The following RAB19 variants were observed in gnomAD, a reference collection of about 807,000 sequenced individuals.
RAB19 encodes RAB19, member RAS oncogene family, also known as ras-related protein Rab-19.
In RAB19, 21 loss-of-function variants were observed where a neutral mutation model predicts 17.3. The observed-to-expected ratio is 1.21, with a 90% CI of 0.86 to 1.74. RAB19 has a LOEUF of 1.74. RAB19 is among the 40% of genes most tolerant of loss of function. RAB19 has a pLI of 0.00. For missense variants in RAB19, 277 were observed against 286.8 expected (o/e 0.97, Z 0.25); for synonymous variants, 126 against 110.4 (o/e 1.14, Z -0.88).
rs1563076886 is a variant in RAB19 at position 140,427,054 on chromosome 7, C to G, written c.*904C>G. ...ACAAGGTTTCACCATGTTGCTCAGG[C>G]TGATCTTGAACTCCTGAGCTCAGGT... is the stretch of plus-strand genomic sequence containing the variant. On this transcript the variant is annotated 3_prime_UTR_variant, in exon 4 of 4. Coordinates refer to ENST00000537763, the MANE Select transcript of RAB19 (RefSeq NM_001008749.3). Among the ~76,000 whole-genome samples, 1 of 151,384 alleles carries G rather than the reference C, an allele frequency of 6.6e-6. No individual in the cohort carries two copies. The highest frequency in any genetic ancestry group is 1.5e-5 in the Non-Finnish European group (1 of 67,914).
intron 1 of RAB19, among the ~76,000 whole-genome samples, chr7:140,406,742 C>T (rs1254340244): frequency 6.6e-6 from 1 of 151,464 alleles, no homozygotes; most frequent in Non-Finnish European, 1.5e-5. Context: ...TTTGAATATT[C>T]TCAAAATCCT....
chr7:140,417,608 A>G (rs1799483429), intron 3 of RAB19, among the ~76,000 whole-genome samples: 1 of 152,236 alleles, frequency 6.6e-6, no homozygotes, highest in Admixed American at 6.5e-5. Flanking sequence ...TGCATGCTAT[A>G]CGAGCTTCCT....
chr7:140,418,590 AAAG>A (rs1468337378), intron 3 of RAB19, among the ~76,000 whole-genome samples: 1 of 151,120 alleles, frequency 6.6e-6, no homozygotes, highest in Admixed American at 6.6e-5. Flanking sequence ...AAAAAAAAAA[AAAG>A]AAGAATATTG....
Position 140,426,895 on chromosome 7 carries a change from A to G in RAB19, c.*745A>G, listed in dbSNP as rs1799682718. On this transcript the variant is annotated 3_prime_UTR_variant, in exon 4 of 4. Transcript: ENST00000537763. Reference sequence around the variant, plus strand: ...CATACTCTGTCACCCAAGCTGGAGTATAGTGGTGGGATCTTGGCTCACTGC... The same window carrying G: ...CATACTCTGTCACCCAAGCTGGAGTGTAGTGGTGGGATCTTGGCTCACTGC... Among the ~76,000 whole-genome samples, 1 of 137,876 alleles carries G rather than the reference A, an allele frequency of 7.3e-6. No homozygotes were observed. The highest frequency in any genetic ancestry group is 2.2e-4 in the South Asian group (1 of 4,486). The allele number at this position is 137,876 out of a possible 152,430, so 90.5% of individuals were successfully genotyped here.
At chr7:140,416,097 C>T (rs184797484) in intron 3 of RAB19, among the ~76,000 whole-genome samples, 26 of 152,086 alleles carry the variant, frequency 1.7e-4, no homozygotes, top group African/African-American at 5.8e-4. Context: ...AATCCTAGCA[C>T]TTTGGGAGGC....
intron 3 of RAB19, among the ~76,000 whole-genome samples, chr7:140,419,734 TAGTGTGTACTCCCATCAGC>T (rs1356080319): frequency 2.6e-5 from 4 of 152,202 alleles, no homozygotes; most frequent in African/African-American, 9.6e-5. Flanking sequence ...GTGGTCGTTC[TAGTGTGTACTCCCATCAGC>T]AGTGTGTGTG....
At chr7:140,420,219 G>A (rs191949439) in intron 3 of RAB19, among the ~76,000 whole-genome samples, 82 of 152,078 alleles carry the variant, frequency 5.4e-4, no homozygotes, top group African/African-American at 2.0e-3. Flanking sequence ...TCAGGAGTTC[G>A]AGACCAGCCT....
Position 140,426,871 on chromosome 7 carries a change from A to ATACTCTG in RAB19, c.*723_*729dup, listed in dbSNP as rs1251687164. Among the ~76,000 whole-genome samples, 1 of 136,004 alleles carries ATACTCTG rather than the reference A, an allele frequency of 7.4e-6. No individual in the cohort carries two copies. Among genetic ancestry groups the ATACTCTG allele is most frequent in the African/African-American group, 2.9e-5 (1 of 34,738 alleles). The allele number at this position is 136,004 out of a possible 152,430, so 89.2% of individuals were successfully genotyped here. ...TTTTTTTTTTTTTTGAGACAGGGTC[A>ATACTCTG]TACTCTGTCACCCAAGCTGGAGTAT... is the stretch of plus-strand genomic sequence containing the variant. On this transcript the variant is annotated 3_prime_UTR_variant, in exon 4 of 4. Coordinates refer to ENST00000537763, the MANE Select transcript of RAB19 (RefSeq NM_001008749.3).
chr7:140,411,117 C>A (rs1015507173), intron 2 of RAB19: 2 of 1,366,832 alleles, frequency 1.5e-6, no homozygotes, highest in Non-Finnish European at 2.0e-6. Flanking sequence ...GCCCACCTCT[C>A]GGCCGGGCGC....
At position 140,424,023 on chromosome 7, in the gene RAB19, T is replaced by G. The variant is rs562899619; in HGVS notation, c.386-1859T>G. On this transcript the variant is annotated intron_variant, in intron 3 of 3. Coordinates refer to ENST00000537763, the MANE Select transcript of RAB19 (RefSeq NM_001008749.3). Reference sequence around the variant, plus strand: ...CGCGTGCCACCATACCCAGCTAATTTTTTGTGTTTTTAGTAGAGACGGGGT... The same window carrying G: ...CGCGTGCCACCATACCCAGCTAATTGTTTGTGTTTTTAGTAGAGACGGGGT... Among the ~76,000 whole-genome samples, 8 of 151,074 alleles carry G rather than the reference T, an allele frequency of 5.3e-5. No homozygotes were observed. The South Asian group carries it at 1.3e-3, about 24-fold the overall frequency.
chr7:140,427,124 G>C lies in RAB19; in HGVS notation c.*974G>C, dbSNP rs1029043738. ...CCCAAAGTGCTGGGATTACAGGCAT[G>C]AGCCACCATGCCTGTTCTTTTTTTT... is the stretch of plus-strand genomic sequence containing the variant. On this transcript the variant is annotated 3_prime_UTR_variant, in exon 4 of 4. Transcript: ENST00000537763. 6.8e-6 allele frequency among the ~76,000 whole-genome samples: 1 copy of C among 147,814 alleles called. No homozygotes were observed. The highest frequency in any genetic ancestry group is 2.5e-5 in the African/African-American group (1 of 40,020).
At chr7:140,406,524 C>T (rs751241713) in intron 1 of RAB19, among the ~76,000 whole-genome samples, 6 of 151,426 alleles carry the variant, frequency 4.0e-5, no homozygotes, top group African/African-American at 1.2e-4. Context: ...TCTATAGTCC[C>T]AGCTACTCGG....
rs920186837 is a variant in RAB19 at position 140,426,424 on chromosome 7, G to A, written c.*274G>A. ...CAGGCTAGGAGAGGGAGGACGAAGT[G>A]TACTCTTCTCCCCTTTCACTTTTCT... On this transcript the variant is annotated 3_prime_UTR_variant, in exon 4 of 4. Transcript: ENST00000537763. 1.3e-5 allele frequency among the ~76,000 whole-genome samples: 2 copies of A among 152,144 alleles called. No individual in the cohort carries two copies. Among genetic ancestry groups the A allele is most frequent in the African/African-American group, 4.8e-5 (2 of 41,430 alleles).
intron 3 of RAB19, among the ~76,000 whole-genome samples, chr7:140,425,484 C>T (rs1019274589): frequency 4.0e-5 from 6 of 151,752 alleles, no homozygotes; most frequent in African/African-American, 7.3e-5. Flanking sequence ...CCAGCACTTT[C>T]GGAGGCCGAA....
At position 140,426,829 on chromosome 7, in the gene RAB19, T is replaced by G. The variant is rs1799680207; in HGVS notation, c.*679T>G. On this transcript the variant is annotated 3_prime_UTR_variant, in exon 4 of 4. Transcript: ENST00000537763. ...GGGATAGGGGAAGACACCTGCAATT[T>G]TTTTTCTTTCTTTTTTTTTTTTTTT... Among the ~76,000 whole-genome samples the G allele has an allele frequency of 6.7e-6, 1 of 150,332 alleles. No individual in the cohort carries two copies. The highest frequency in any genetic ancestry group is 1.5e-5 in the Non-Finnish European group (1 of 67,916).
chr7:140,423,779 T>G (rs1799603030), intron 3 of RAB19, among the ~76,000 whole-genome samples: 1 of 152,228 alleles, frequency 6.6e-6, no homozygotes, highest in Non-Finnish European at 1.5e-5. Flanking sequence ...ACGCATGTGA[T>G]CAAATTGTGT....
chr7:140,410,063 A>C (rs1299929235), intron 2 of RAB19, among the ~76,000 whole-genome samples: 1 of 151,370 alleles, frequency 6.6e-6, no homozygotes, highest in Non-Finnish European at 1.5e-5. Flanking sequence ...AGAAATCAAC[A>C]GAAAGGGCTA....
chr7:140,421,538 T>C (rs1799563358), intron 3 of RAB19, among the ~76,000 whole-genome samples: 1 of 152,134 alleles, frequency 6.6e-6, no homozygotes, highest in Non-Finnish European at 1.5e-5. Flanking sequence ...TTTTATATTA[T>C]GAGTAAAGAT....
intron 2 of RAB19, among the ~76,000 whole-genome samples, chr7:140,408,828 A>T (rs919209800): frequency 3.9e-5 from 6 of 152,202 alleles, no homozygotes; most frequent in African/African-American, 1.4e-4. Context: ...GCACAATCAC[A>T]GCTCACTCCA....
Sources: allele counts gnomAD v4.1 joint callset (sites outside exome capture counted in the v4.1 genomes callset), GRCh38; gene constraint gnomAD v4.1.1; transcripts MANE v1.5; gene names NCBI Gene and HGNC (gene_info 2026-07-23, HGNC 2026-07-21).